The following C1orf185 variants were observed in gnomAD, a reference collection of about 807,000 sequenced individuals.
C1orf185 encodes the protein uncharacterized protein C1orf185.
C1orf185 carries 13 observed loss-of-function variants against 16.1 expected under a neutral mutation model. The ratio of observed to expected loss-of-function variants is 0.81; its 90% CI spans 0.53 to 1.28. The LOEUF (loss-of-function observed/expected upper bound fraction) is 1.28. Among genes scored for constraint, C1orf185 ranks in the 50% most tolerant of loss-of-function variants. C1orf185 has a pLI of 0.00. For missense variants in C1orf185, 220 were observed against 225.2 expected (o/e 0.98, Z 0.15); for synonymous variants, 80 against 76.9 (o/e 1.04, Z -0.21).
At chr1:51,118,274 A>G (rs1347287504) in intron 2 of C1orf185, among the ~76,000 whole-genome samples, 1 of 152,230 alleles carries the variant, frequency 6.6e-6, no homozygotes, top group Non-Finnish European at 1.5e-5. Flanking sequence ...AATGAGTTGC[A>G]TTTTATTTAA....
chr1:51,142,696 T>A (rs557745241), intron 3 of C1orf185, among the ~76,000 whole-genome samples: 1 of 152,304 alleles, frequency 6.6e-6, no homozygotes, highest in African/African-American at 2.4e-5. Flanking sequence ...TTCATGATAT[T>A]CCTTTATTAT....
rs980656026 is a variant in C1orf185, at chr1:51,107,873, T to C, written c.17-4591T>C. 3.3e-5 allele frequency among the ~76,000 whole-genome samples: 5 copies of C among 152,252 alleles called. No individual in the cohort carries two copies. The East Asian group carries it at 9.6e-4, about 29-fold the overall frequency. On this transcript the variant is annotated intron_variant, in intron 1 of 4. Coordinates refer to ENST00000371759, the MANE Select transcript of C1orf185 (RefSeq NM_001136508.2). ...TTGTTTTCTTTAATTAATTCAACTT[T>C]TAAATTTATCCATTCAACTATTGAT...
At chr1:51,147,053 T>C (rs1040439813) in intron 4 of C1orf185, among the ~76,000 whole-genome samples, 20 of 152,184 alleles carry the variant, frequency 1.3e-4, no homozygotes, top group African/African-American at 4.6e-4. Flanking sequence ...TAAAGATTAC[T>C]GTAGTAGTTA....
In C1orf185 at chr1:51,131,054, C is replaced by G. The variant is rs573138529; in HGVS notation, c.258+12253C>G. 3.6e-3 allele frequency among the ~76,000 whole-genome samples: 552 copies of G among 152,286 alleles called. 3 individuals are homozygous for G. The highest frequency in any genetic ancestry group is 0.013 in the African/African-American group (547 of 41,566). On this transcript the variant is annotated intron_variant, in intron 3 of 4. Transcript: ENST00000371759. ...AGTAGCTGGGATTACAGGCATGCAC[C>G]ACCATGCCTGGCTAATTTTGTATTT...
At chr1:51,109,490 A>G (rs1278775222) in intron 1 of C1orf185, among the ~76,000 whole-genome samples, 1 of 144,806 alleles carries the variant, frequency 6.9e-6, no homozygotes, top group Non-Finnish European at 1.5e-5. Flanking sequence ...CTTTTCTCAA[A>G]CCAATGTCCT....
At chr1:51,111,735 G>T (rs569598871) in intron 1 of C1orf185, among the ~76,000 whole-genome samples, 124 of 152,284 alleles carry the variant, frequency 8.1e-4, no homozygotes, top group African/African-American at 3.0e-3. Flanking sequence ...AGCCAGGCTG[G>T]TCTCGAACTC....
chr1:51,122,853 G>GTA (rs1646208051), intron 3 of C1orf185, among the ~76,000 whole-genome samples: 3 of 152,286 alleles, frequency 2.0e-5, no homozygotes, highest in Admixed American at 6.5e-5. Context: ...CACACAATAT[G>GTA]TAGTCTTTTC....
rs925529795 is a variant in C1orf185, at chr1:51,134,524, A to C, written c.259-11200A>C. On this transcript the variant is annotated intron_variant, in intron 3 of 4. Transcript: ENST00000371759. ...CTGAAGGAGAATGAGACACACACAA[A>C]AAAAAAACATTCAAAAGATCAATGA... Among the ~76,000 whole-genome samples, 159 of 139,488 alleles carry C rather than the reference A, an allele frequency of 1.1e-3. 1 individual carries two copies. The highest frequency in any genetic ancestry group is 3.5e-3 in the African/African-American group (110 of 31,090). The allele number at this position is 139,488 out of a possible 152,430, so 91.5% of individuals were successfully genotyped here.
At chr1:51,124,198 C>T (rs1646220584) in intron 3 of C1orf185, among the ~76,000 whole-genome samples, 1 of 151,530 alleles carries the variant, frequency 6.6e-6, no homozygotes, top group African/African-American at 2.4e-5. Flanking sequence ...TCTCCTGCCT[C>T]AGCCTCCCAA....
intron 2 of C1orf185, among the ~76,000 whole-genome samples, chr1:51,115,869 G>T (rs1194014467): frequency 6.6e-6 from 1 of 152,124 alleles, no homozygotes; most frequent in Non-Finnish European, 1.5e-5. Flanking sequence ...GGTTTTGCAG[G>T]TAGAGTCAGC....
At chr1:51,116,120 C>G (rs1010925040) in intron 2 of C1orf185, among the ~76,000 whole-genome samples, 1 of 152,108 alleles carries the variant, frequency 6.6e-6, no homozygotes, top group Non-Finnish European at 1.5e-5. Flanking sequence ...TACCTTACTT[C>G]ATATATTGCT....
intron 1 of C1orf185, among the ~76,000 whole-genome samples, chr1:51,105,342 C>T (rs1202734081): frequency 6.6e-6 from 1 of 151,600 alleles, no homozygotes; most frequent in African/African-American, 2.4e-5. Context: ...TTTAACTATG[C>T]AGCCTTAAAA....
intron 2 of C1orf185, among the ~76,000 whole-genome samples, chr1:51,114,904 A>G (rs1292040895): frequency 6.6e-6 from 1 of 152,162 alleles, no homozygotes; most frequent in Non-Finnish European, 1.5e-5. Flanking sequence ...TCACTGCCCT[A>G]GGAAGTTCCC....
At chr1:51,116,883 T>C (rs1401782426) in intron 2 of C1orf185, among the ~76,000 whole-genome samples, 1 of 152,196 alleles carries the variant, frequency 6.6e-6, no homozygotes, top group East Asian at 1.9e-4. Flanking sequence ...TACTGCTGTT[T>C]CTTCAGATGC....
At chr1:51,131,240 G>A (rs980414038) in intron 3 of C1orf185, among the ~76,000 whole-genome samples, 5 of 152,200 alleles carry the variant, frequency 3.3e-5, no homozygotes, top group Non-Finnish European at 4.4e-5. Context: ...TTTAGGTCAA[G>A]GTTCATTTGT....
chr1:51,103,594 C>A (rs952157453), intron 1 of C1orf185, among the ~76,000 whole-genome samples: 1 of 147,060 alleles, frequency 6.8e-6, no homozygotes, highest in African/African-American at 2.5e-5. Flanking sequence ...AGTGCAGTGG[C>A]GCAATCTCGG....
downstream of C1orf185, among the ~76,000 whole-genome samples, chr1:51,148,374 T>A (rs1366692047): frequency 6.6e-6 from 1 of 152,116 alleles, no homozygotes; most frequent in Non-Finnish European, 1.5e-5. Context: ...TCACCCGCCT[T>A]GGCCTCCCAA....
chr1:51,145,328 T>C (rs868026767), intron 3 of C1orf185, among the ~76,000 whole-genome samples: 45 of 151,818 alleles, frequency 3.0e-4, no homozygotes, highest in African/African-American at 1.1e-3. Flanking sequence ...ATAATAATAA[T>C]AATAATCCCA....
At chr1:51,148,464 T>C (rs1236367113), downstream of C1orf185, among the ~76,000 whole-genome samples, 1 of 152,210 alleles carries the variant, frequency 6.6e-6, no homozygotes, top group African/African-American at 2.4e-5. Flanking sequence ...CCACAGCATT[T>C]CCTTATACTT....
Sources: allele counts gnomAD v4.1 joint callset (sites outside exome capture counted in the v4.1 genomes callset), GRCh38; gene constraint gnomAD v4.1.1; transcripts MANE v1.5; gene names NCBI Gene and HGNC (gene_info 2026-07-23, HGNC 2026-07-21).